Variants in WWTR1 observed in about 807,000 individuals in gnomAD.
The protein encoded by WWTR1 is WW domain containing transcription regulator 1.
In WWTR1, 13 loss-of-function variants were observed where a neutral mutation model predicts 40.1. That is an observed-to-expected ratio of 0.32 (90% CI 0.21 to 0.52). The LOEUF is 0.52. WWTR1 is among the 20% of genes least tolerant of loss of function. The pLI, the probability that WWTR1 is intolerant of heterozygous loss-of-function variation, is 0.97. For synonymous variants in WWTR1, 230 were observed against 210.1 expected (o/e 1.09, Z -0.82); for missense variants, 436 against 523.1 (o/e 0.83, Z 1.63).
intron 4 of WWTR1, among the ~76,000 whole-genome samples, chr3:149,531,260 T>C (rs1735567941): frequency 1.3e-5 from 2 of 152,148 alleles, no homozygotes; most frequent in Admixed American, 6.5e-5. Flanking sequence ...AAATATAAAT[T>C]AGGCCAGTCT....
At position 149,635,872 on chromosome 3, in the gene WWTR1, T is replaced by C. The variant is rs557255318; in HGVS notation, c.431+21004A>G. 1.7e-3 allele frequency among the ~76,000 whole-genome samples: 263 copies of C among 152,320 alleles called. 1 individual carries two copies. Among genetic ancestry groups the C allele is most frequent in the African/African-American group, 6.0e-3 (251 of 41,572 alleles). The stretch of plus-strand genomic sequence containing the variant: ...AAAGGCAATGTTGAATATATGACCA[T>C]CTATGAGTAAAGTAAACCTGGTTTA... On this transcript the variant is annotated intron_variant, in intron 2 of 6. Transcript: ENST00000360632.
rs147499978 is a variant in WWTR1 at position 149,539,198 on chromosome 3, C to T, written c.771+3137G>A. On this transcript the variant is annotated intron_variant, in intron 4 of 6. Transcript: ENST00000360632. ...TCAAACTATATGCCTAGTGGAACAA[C>T]GGCATAGCAGAAGGAACAGGAAGAA... is the stretch of plus-strand genomic sequence containing the variant. 4.9e-4 allele frequency among the ~76,000 whole-genome samples: 74 copies of T among 152,078 alleles called. No individual in the cohort carries two copies. In the East Asian group the frequency reaches 0.012, roughly 25 times the overall value.
In WWTR1 at chr3:149,556,574, G is replaced by A. The variant is rs548340089; in HGVS notation, c.569-14037C>T. On this transcript the variant is annotated intron_variant, in intron 3 of 6. Transcript: ENST00000360632. ...AGCCTGGGAGACAGAGTGAGATGCC[G>A]TCTCAAAAACAAACAAACAAACAAA... 3.9e-5 allele frequency among the ~76,000 whole-genome samples: 6 copies of A among 152,214 alleles called. No homozygotes were observed. The South Asian group carries it at 6.2e-4, about 16-fold the overall frequency.
intron 1 of WWTR1, among the ~76,000 whole-genome samples, chr3:149,680,181 C>A (rs1714408012): frequency 6.6e-6 from 1 of 152,102 alleles, no homozygotes; most frequent in Non-Finnish European, 1.5e-5. Context: ...ACTGTTCTGG[C>A]AAATCAAGAT....
chr3:149,664,737 C>T (rs545839711), intron 2 of WWTR1, among the ~76,000 whole-genome samples: 18 of 152,038 alleles, frequency 1.2e-4, no homozygotes, highest in Admixed American at 2.0e-4. Flanking sequence ...TACAGGCATG[C>T]GCCATCATGC....
chr3:149,724,489 C>G (rs911408534), intron 3 of WWTR1, among the ~76,000 whole-genome samples: 1 of 119,842 alleles, frequency 8.3e-6, no homozygotes, highest in Non-Finnish European at 1.8e-5. Context: ...ACCCTACCCC[C>G]CAGACTCCTT....
intron 6 of WWTR1, among the ~76,000 whole-genome samples, chr3:149,521,478 G>A (rs965519933): frequency 3.3e-5 from 5 of 152,130 alleles, no homozygotes; most frequent in African/African-American, 7.2e-5. Flanking sequence ...TTCTGCAGAC[G>A]TTTTCCCTCT....
At chr3:149,528,079 T>A (rs1377137005) in intron 4 of WWTR1, 110 bp from the exon 5 acceptor site, 2 of 1,362,592 alleles carry the variant, frequency 1.5e-6, no homozygotes, top group Non-Finnish European at 2.0e-6. Flanking sequence ...GTGTATTTAC[T>A]CCCAGCAAGT....
intron 1 of WWTR1, among the ~76,000 whole-genome samples, chr3:149,686,561 G>T (rs1053045677): frequency 1.3e-5 from 2 of 152,230 alleles, no homozygotes; most frequent in African/African-American, 4.8e-5. Context: ...ATAATAGAGT[G>T]AAGAAATCTT....
intron 2 of WWTR1, among the ~76,000 whole-genome samples, chr3:149,649,418 A>T (rs1712719607): frequency 6.6e-6 from 1 of 152,238 alleles, no homozygotes; most frequent in African/African-American, 2.4e-5. Context: ...AACAGGAATG[A>T]ACTTGCAAAG....
rs761456916 is a variant in WWTR1 at position 149,657,017 on chromosome 3, C to T, written c.290G>A (p.Gly97Asp). 10 of 1,595,198 alleles carry T rather than the reference C, an allele frequency of 6.3e-6. No homozygotes were observed. The highest frequency in any genetic ancestry group is 4.0e-5 in the African/African-American group (3 of 74,844). ...SHSSPASLQL[G>D]TGAGAAGSPA... ...GCTACCCGCAGCACCCGCGCCGGTG[C>T]CCAGCTGCAGGGACGCGGGCGACGA... Residue 97 changes from glycine to aspartate, a missense_variant, in exon 2 of 7, where the codon GGC (glycine) becomes GAC (aspartate). Gly to Asp is a moderately conservative substitution (Grantham distance 94). Coordinates refer to ENST00000360632, the MANE Select transcript of WWTR1 (RefSeq NM_015472.6).
intron 2 of WWTR1, among the ~76,000 whole-genome samples, chr3:149,609,071 A>G (rs532415041): frequency 2.0e-5 from 3 of 152,272 alleles, no homozygotes; most frequent in African/African-American, 4.8e-5. Context: ...CTTGTCTCAA[A>G]AAAAACCTAA....
At chr3:149,562,904 C>G (rs1015098682) in intron 3 of WWTR1, among the ~76,000 whole-genome samples, 1 of 151,982 alleles carries the variant, frequency 6.6e-6, no homozygotes, top group African/African-American at 2.4e-5. Flanking sequence ...CACACACAGG[C>G]GGGAGCAATA....
chr3:149,697,490 C>T (rs1387621436), intron 1 of WWTR1, among the ~76,000 whole-genome samples: 1 of 152,134 alleles, frequency 6.6e-6, no homozygotes, highest in East Asian at 1.9e-4. Flanking sequence ...CTGGAAGAAT[C>T]AATATTGTTA....
upstream of WWTR1, chr3:149,659,767 C>T (rs562486141): frequency 6.6e-6 from 1 of 152,292 alleles, no homozygotes; most frequent in South Asian, 2.1e-4. Flanking sequence ...TGGGGCCACT[C>T]CCTGAATGGC....
At chr3:149,555,158 C>T (rs943612085) in intron 3 of WWTR1, among the ~76,000 whole-genome samples, 6 of 152,196 alleles carry the variant, frequency 3.9e-5, no homozygotes, top group Non-Finnish European at 1.5e-5. Context: ...AACGAATCTA[C>T]AGCTGTGTTC....
chr3:149,555,706 A>G (rs1237099563), intron 3 of WWTR1, among the ~76,000 whole-genome samples: 1 of 149,776 alleles, frequency 6.7e-6, no homozygotes, highest in Non-Finnish European at 1.5e-5. Flanking sequence ...TTATAGAACT[A>G]TAGATGATTT....
intron 2 of WWTR1, among the ~76,000 whole-genome samples, chr3:149,623,230 G>T (rs944615992): frequency 6.6e-6 from 1 of 152,078 alleles, no homozygotes; most frequent in Non-Finnish European, 1.5e-5. Flanking sequence ...GAGTGTTGTG[G>T]TGCACGCCTG....
chr3:149,629,915 T>C (rs1711506202), intron 2 of WWTR1, among the ~76,000 whole-genome samples: 1 of 152,126 alleles, frequency 6.6e-6, no homozygotes, highest in South Asian at 2.1e-4. Context: ...GGAGCAATCA[T>C]GGCTCACTGC....
Sources: allele counts gnomAD v4.1 joint callset (sites outside exome capture counted in the v4.1 genomes callset), GRCh38; gene constraint gnomAD v4.1.1; transcripts MANE v1.5; gene names NCBI Gene and HGNC (gene_info 2026-07-23, HGNC 2026-07-21).